The following TMEM178B variants were observed in gnomAD, a reference collection of about 807,000 sequenced individuals.
The protein encoded by TMEM178B is transmembrane protein 178B.
A neutral mutation model predicts 31.0 loss-of-function variants in TMEM178B; 5 were observed. The observed-to-expected ratio is 0.16, with a 90% CI of 0.08 to 0.34. TMEM178B has a LOEUF of 0.34. Among genes scored for constraint, TMEM178B ranks in the 10% least tolerant of loss-of-function variants. TMEM178B has a pLI of 1.00. For missense variants in TMEM178B, 275 were observed against 400.3 expected, an observed-to-expected ratio of 0.69 and a Z score of 2.67; for synonymous variants, 164 against 164.0, an observed-to-expected ratio of 1.00 and a Z score of 0.00.
In TMEM178B at chr7:141,451,614, C is replaced by T. The variant is rs565122127; in HGVS notation, c.634+13869C>T. ...TGGTAAGGTAAGAGACGACTCCACA[C>T]GGCCATCTCATTATGCATGGTACAT... On this transcript the variant is annotated intron_variant, in intron 3 of 3. Coordinates refer to ENST00000565468, the MANE Select transcript of TMEM178B (RefSeq NM_001195278.2). Among the ~76,000 whole-genome samples the T allele has an allele frequency of 1.4e-4, 21 of 152,280 alleles. No individual in the cohort carries two copies. In the East Asian group the frequency reaches 2.3e-3, roughly 17 times the overall value.
At chr7:141,331,356 A>T (rs1468170509) in intron 2 of TMEM178B, among the ~76,000 whole-genome samples, 4 of 152,170 alleles carry the variant, frequency 2.6e-5, no homozygotes, top group African/African-American at 4.8e-5. Context: ...GTAGATGGAA[A>T]ATCTGTGGTC....
intron 2 of TMEM178B, among the ~76,000 whole-genome samples, chr7:141,270,174 G>A (rs1798158876): frequency 6.6e-6 from 1 of 152,152 alleles, no homozygotes; most frequent in African/African-American, 2.4e-5. Flanking sequence ...GACCTTTGAG[G>A]GAGCACCCTG....
At chr7:141,286,308 A>G (rs564728641) in intron 2 of TMEM178B, among the ~76,000 whole-genome samples, 1 of 152,350 alleles carries the variant, frequency 6.6e-6, no homozygotes, top group African/African-American at 2.4e-5. Flanking sequence ...TATTTTACAG[A>G]GAATTACCCA....
In TMEM178B at chr7:141,223,479, C is replaced by CTTTTTT. The variant is rs10680431; in HGVS notation, c.496+10787_496+10792dup. Among the ~76,000 whole-genome samples the CTTTTTT allele has an allele frequency of 4.4e-3, 571 of 131,116 alleles. 15 individuals carry two copies. The highest frequency in any genetic ancestry group is 0.016 in the African/African-American group (535 of 33,054). The allele number at this position is 131,116 out of a possible 152,430, so 86.0% of individuals were successfully genotyped here. A position where few individuals can be genotyped will look rare whatever the true frequency, so the allele number is the denominator to read the frequency against. ...GCTGATGTTCTCTGCTGTTTTCACT[C>CTTTTTT]TTTTTTTTTTTTTTTTTGTATTTCC... On this transcript the variant is annotated intron_variant, in intron 2 of 3. Transcript: ENST00000565468.
chr7:141,411,929 T>C (rs878953220), intron 2 of TMEM178B, among the ~76,000 whole-genome samples: 3 of 152,286 alleles, frequency 2.0e-5, no homozygotes, highest in African/African-American at 7.2e-5. Context: ...GTTGCAAGGA[T>C]GCGAGGGAAT....
At chr7:141,226,503 G>A (rs537949281) in intron 2 of TMEM178B, among the ~76,000 whole-genome samples, 12 of 152,242 alleles carry the variant, frequency 7.9e-5, no homozygotes, top group Non-Finnish European at 1.6e-4. Flanking sequence ...TTTCATAGGT[G>A]AGGTCTCAAA....
chr7:141,174,948 A>T (rs1796403843), intron 1 of TMEM178B, among the ~76,000 whole-genome samples: 1 of 152,212 alleles, frequency 6.6e-6, no homozygotes, highest in Non-Finnish European at 1.5e-5. Context: ...TTTGCTGTGC[A>T]GAAGCTCTTT....
chr7:141,279,554 G>T (rs964094672), intron 2 of TMEM178B, among the ~76,000 whole-genome samples: 40 of 152,354 alleles, frequency 2.6e-4, no homozygotes, highest in African/African-American at 9.4e-4. Flanking sequence ...GTGACAAGTT[G>T]TAGAAGGGAG....
At chr7:141,419,542 G>T (rs1429898838) in intron 2 of TMEM178B, among the ~76,000 whole-genome samples, 1 of 152,166 alleles carries the variant, frequency 6.6e-6, no homozygotes, top group Non-Finnish European at 1.5e-5. Flanking sequence ...CTCCCAGTCA[G>T]AACTCTACTC....
intron 2 of TMEM178B, among the ~76,000 whole-genome samples, chr7:141,320,591 G>T (rs896041165): frequency 6.6e-6 from 1 of 152,086 alleles, no homozygotes; most frequent in Non-Finnish European, 1.5e-5. Context: ...GGAGGCTCAG[G>T]CCCATTTTCC....
rs138847912 is a variant in TMEM178B, at chr7:141,107,256, C to T, written c.382+32564C>T. Among the ~76,000 whole-genome samples, 29 of 152,258 alleles carry T rather than the reference C, an allele frequency of 1.9e-4. No individual in the cohort carries two copies. The South Asian group carries it at 3.5e-3, about 19-fold the overall frequency. On this transcript the variant is annotated intron_variant, in intron 1 of 3. Coordinates refer to ENST00000565468, the MANE Select transcript of TMEM178B (RefSeq NM_001195278.2). ...TGGTCACATAGGGCCACTGTCAGGT[C>T]CTGGCTTTTACTCTGAGATGAGAGG...
rs1802393063 is a variant in TMEM178B at position 141,477,424 on chromosome 7, T to C, written c.*6638T>C. On this transcript the variant is annotated 3_prime_UTR_variant, in exon 4 of 4. Transcript: ENST00000565468. ...GAGGGATACCATTGACACAGGAGGT[T>C]TTTTTCTGGTTGTTTCTCTCACAGT... 6.6e-6 allele frequency: 1 copy of C among 152,182 alleles called. No homozygotes were observed. Among genetic ancestry groups the C allele is most frequent in the African/African-American group, 2.4e-5 (1 of 41,400 alleles). The allele number at this position is 152,182 out of a possible 1,614,324, so 9.4% of individuals were successfully genotyped here.
At chr7:141,483,274 C>T (rs952372978), downstream of TMEM178B, among the ~76,000 whole-genome samples, 1 of 152,198 alleles carries the variant, frequency 6.6e-6, no homozygotes, top group African/African-American at 2.4e-5. Context: ...TCAGAGCAAA[C>T]AAAACACACT....
chr7:141,200,922 T>C (rs1202952363), intron 1 of TMEM178B, among the ~76,000 whole-genome samples: 1 of 152,124 alleles, frequency 6.6e-6, no homozygotes, highest in Non-Finnish European at 1.5e-5. Flanking sequence ...ATTTTAGCAA[T>C]GGCTTGGCGA....
At chr7:141,449,143 T>C (rs563765681) in intron 3 of TMEM178B, among the ~76,000 whole-genome samples, 23 of 152,338 alleles carry the variant, frequency 1.5e-4, no homozygotes, top group African/African-American at 4.1e-4. Flanking sequence ...TCTGGGATGC[T>C]CTTACAGAGG....
In TMEM178B at chr7:141,366,358, G is replaced by A. The variant is rs1196721762; in HGVS notation, c.497-71250G>A. On this transcript the variant is annotated intron_variant, in intron 2 of 3. Coordinates refer to ENST00000565468, the MANE Select transcript of TMEM178B (RefSeq NM_001195278.2). ...GTTTTCCCTCCCAAAGAAAATAAAC[G>A]CTATGCAAGGGTCACGACAAATTTG... Among the ~76,000 whole-genome samples, 10 of 152,116 alleles carry A rather than the reference G, an allele frequency of 6.6e-5. No homozygotes were observed. The East Asian group carries it at 1.9e-3, about 29-fold the overall frequency.
At chr7:141,151,336 G>A (rs1166203330) in intron 1 of TMEM178B, among the ~76,000 whole-genome samples, 1 of 152,176 alleles carries the variant, frequency 6.6e-6, no homozygotes, top group Non-Finnish European at 1.5e-5. Flanking sequence ...GTGTGGTGGG[G>A]ATTATTCTTC....
chr7:141,327,837 A>C (rs1323743838), intron 2 of TMEM178B, among the ~76,000 whole-genome samples: 2 of 152,192 alleles, frequency 1.3e-5, no homozygotes, highest in Non-Finnish European at 2.9e-5. Flanking sequence ...ATTATAGTTG[A>C]AAACAACTTC....
chr7:141,281,143 A>G (rs181174050), intron 2 of TMEM178B, among the ~76,000 whole-genome samples: 1 of 152,196 alleles, frequency 6.6e-6, no homozygotes, highest in East Asian at 1.9e-4. Context: ...AGAGCCTGTG[A>G]TAACTCCAGC....
Sources: allele counts gnomAD v4.1 joint callset (sites outside exome capture counted in the v4.1 genomes callset), GRCh38; gene constraint gnomAD v4.1.1; transcripts MANE v1.5; gene names NCBI Gene and HGNC (gene_info 2026-07-23, HGNC 2026-07-21).